Variants in MYO1G observed in about 807,000 individuals in gnomAD.
MYO1G encodes unconventional myosin-Ig.
MYO1G carries 65 observed loss-of-function variants against 115.3 expected under a neutral mutation model. The ratio of observed to expected loss-of-function variants is 0.56; its 90% CI spans 0.46 to 0.69. The LOEUF is 0.69. Ranked by LOEUF, MYO1G falls within the 30% of genes least tolerant of loss-of-function variation. The pLI, the probability that MYO1G is intolerant of heterozygous loss-of-function variation, is 0.00. For missense variants in MYO1G, 1,204 were observed against 1,393.5 expected (o/e 0.86, Z 2.16); for synonymous variants, 510 against 552.6 (o/e 0.92, Z 1.08).
rs191602626 is a variant in MYO1G at position 44,964,624 on chromosome 7, G to A, written c.2527-105C>T. On this transcript the variant is annotated intron_variant, in intron 18 of 21. Transcript: ENST00000258787. The surrounding 1 kb of genome is among the most constrained non-coding windows in gnomAD (Gnocchi z 5.1). ...AATCAGCATAGCTATCCTTCATCTC[G>A]GGAAACTGAGTCACACAGACTTGTG... is the stretch of plus-strand genomic sequence containing the variant. 8.0e-5 allele frequency: 78 copies of A among 971,980 alleles called. No individual in the cohort carries two copies. The African/African-American group carries it at 8.5e-4, about 11-fold the overall frequency. The allele number at this position is 971,980 out of a possible 1,614,324, so 60.2% of individuals were successfully genotyped here.
intron 3 of MYO1G, among the ~76,000 whole-genome samples, chr7:44,975,879 C>G (rs1250202756): frequency 1.3e-5 from 2 of 152,202 alleles, no homozygotes; most frequent in African/African-American, 4.8e-5. Flanking sequence ...TGGCTGTGCT[C>G]AGCATGGTCT....
At position 44,964,640 on chromosome 7, in the gene MYO1G, C is replaced by T. The variant is rs1583783630; in HGVS notation, c.2527-121G>A. The T allele has an allele frequency of 1.1e-6, 1 of 888,014 alleles. No homozygotes were observed. Among genetic ancestry groups the T allele is most frequent in the South Asian group, 1.5e-5 (1 of 68,850 alleles). The allele number at this position is 888,014 out of a possible 1,614,324, so 55.0% of individuals were successfully genotyped here. On this transcript the variant is annotated intron_variant, in intron 18 of 21. Coordinates refer to ENST00000258787, the MANE Select transcript of MYO1G (RefSeq NM_033054.3). This position sits in a 1 kb window ranked among gnomAD's most constrained non-coding sequence, Gnocchi z 5.1. ...CTTCATCTCGGGAAACTGAGTCACA[C>T]AGACTTGTGCGTGAGCTGAGCAGCC...
At chr7:44,975,121 G>T (rs1441604062) in intron 5 of MYO1G, 53 bp downstream of exon 5, 6 of 1,577,374 alleles carry the variant, frequency 3.8e-6, no homozygotes, top group Non-Finnish European at 5.2e-6. Context: ...CCAGCTTGCT[G>T]CCCTCCCTTT....
intron 5 of MYO1G, chr7:44,972,483 G>T (rs1051680956): frequency 4.3e-6 from 2 of 464,128 alleles, no homozygotes; most frequent in Non-Finnish European, 8.0e-6. Flanking sequence ...ACCTCATCTT[G>T]GTAGGGAGCT....
In MYO1G at chr7:44,963,124, C is replaced by T; in HGVS notation, c.2746G>A (p.Val916Met). The T allele has an allele frequency of 6.8e-7, 1 of 1,465,962 alleles. No individual in the cohort carries two copies. The highest frequency in any genetic ancestry group is 2.4e-5 in the Admixed American group (1 of 40,960). The allele number at this position is 1,465,962 out of a possible 1,614,324, so 90.8% of individuals were successfully genotyped here. A position where few individuals can be genotyped will look rare whatever the true frequency, so the allele number is the denominator to read the frequency against. Residue 916 changes from valine to methionine, a missense_variant and splice_region_variant, in exon 21 of 22, where the codon GTG becomes ATG. Physicochemically the swap from Val to Met is conservative, Grantham distance 21. Coordinates refer to ENST00000258787, the MANE Select transcript of MYO1G (RefSeq NM_033054.3). The surrounding 1 kb of genome is among the most constrained non-coding windows in gnomAD (Gnocchi z 4.1). ...RVMRAVPLEA[V>M]TGLSVTSGGD... ...CCGCTGGTCACGCTCAGCCCCGTCA[C>T]CTGAGCGGAGCGCGGGGTCAGAGTG... is the stretch of plus-strand genomic sequence containing the variant.
Position 44,966,447 on chromosome 7 carries a change from T to G in MYO1G, c.1950-167A>C. 1 of 814,000 alleles carries G rather than the reference T, an allele frequency of 1.2e-6. No individual in the cohort carries two copies. The highest frequency in any genetic ancestry group is 2.1e-6 in the Non-Finnish European group (1 of 487,074). The allele number at this position is 814,000 out of a possible 1,614,324, so 50.4% of individuals were successfully genotyped here. ...TCCCATACACATGTCCTCACATACA[T>G]GTCCTCACACAGCCCTCATACCCAT... On this transcript the variant is annotated intron_variant, in intron 15 of 21. Transcript: ENST00000258787. This position sits in a 1 kb window ranked among gnomAD's most constrained non-coding sequence, Gnocchi z 5.0.
rs1397753718 is a variant in MYO1G at position 44,962,883 on chromosome 7, G to A, written c.2913C>T (p.Thr971=). Residue 971 remains threonine (T), a synonymous_variant, in exon 22 of 22, where the codon ACC becomes ACT. Coordinates refer to ENST00000258787, the MANE Select transcript of MYO1G (RefSeq NM_033054.3). The surrounding 1 kb of genome is among the most constrained non-coding windows in gnomAD (Gnocchi z 5.3). ...LAAHCQGEGR[T]LEVRVSDCIP... ...TGCAGTCGGAGACGCGAACCTCCAGGGTGCGGCCCTCCCTGCGGCAGGAGG... is the reference window on the plus strand; with the variant it reads ...TGCAGTCGGAGACGCGAACCTCCAGAGTGCGGCCCTCCCTGCGGCAGGAGG... 2.7e-6 allele frequency: 4 copies of A among 1,487,808 alleles called. No homozygotes were observed. The highest frequency in any genetic ancestry group is 1.3e-5 in the South Asian group (1 of 75,996). The allele number at this position is 1,487,808 out of a possible 1,614,324, so 92.2% of individuals were successfully genotyped here. A position where few individuals can be genotyped will look rare whatever the true frequency, so the allele number is the denominator to read the frequency against.
chr7:44,977,032 C>A lies in MYO1G; in HGVS notation c.135G>T (p.Val45=), dbSNP rs763485088. 6.2e-7 allele frequency: 1 copy of A among 1,613,546 alleles called. No homozygotes were observed. Among genetic ancestry groups the A allele is most frequent in the Non-Finnish European group, 8.5e-7 (1 of 1,180,022 alleles). Residue 45 remains valine, a synonymous_variant, in exon 2 of 22, where the codon GTG becomes GTT. Transcript: ENST00000258787. Reference sequence around the variant, plus strand: ...CCTGGTAGGGGTTCACGGACACCAGCACCTCACCGATGTAGGTGTAGATGC... The same window carrying A: ...CCTGGTAGGGGTTCACGGACACCAGAACCTCACCGATGTAGGTGTAGATGC... The part of the protein sequence containing the change: ...KGRIYTYIGE[V]LVSVNPYQEL...
Position 44,966,486 on chromosome 7 carries a change from T to C in MYO1G, c.1949+186A>G. ...CCTCATACCCATGTTCCCACCTGTATGTCCCCACATGCATGTGCTCACACA... is the reference window on the plus strand; with the variant it reads ...CCTCATACCCATGTTCCCACCTGTACGTCCCCACATGCATGTGCTCACACA... On this transcript the variant is annotated intron_variant, in intron 15 of 21. Transcript: ENST00000258787. This position sits in a 1 kb window ranked among gnomAD's most constrained non-coding sequence, Gnocchi z 5.0. The C allele has an allele frequency of 1.2e-6, 1 of 842,052 alleles. No individual in the cohort carries two copies. Among genetic ancestry groups the C allele is most frequent in the Non-Finnish European group, 2.0e-6 (1 of 511,552 alleles). The allele number at this position is 842,052 out of a possible 1,614,324, so 52.2% of individuals were successfully genotyped here. A position where few individuals can be genotyped will look rare whatever the true frequency, so the allele number is the denominator to read the frequency against.
rs1795127907 is a variant in MYO1G at position 44,978,740 on chromosome 7, G to A, written c.95+127C>T. On this transcript the variant is annotated intron_variant, in intron 1 of 21. Coordinates refer to ENST00000258787, the MANE Select transcript of MYO1G (RefSeq NM_033054.3). ...CTCATTTCAGCCCCATCTGGTCTGG[G>A]TGGGTGTGTGCCACTGCCCCCTCCC... The A allele has an allele frequency of 7.4e-6, 6 of 812,932 alleles. 1 individual carries two copies. The South Asian group carries it at 9.5e-5, about 13-fold the overall frequency. 50.4% of individuals were successfully genotyped at this position (812,932 alleles called of 1,614,324 possible). A position where few individuals can be genotyped will look rare whatever the true frequency, so the allele number is the denominator to read the frequency against.
chr7:44,977,199 G>C, intron 1 of MYO1G, 128 bp from the exon 2 acceptor site: 1 of 823,440 alleles, frequency 1.2e-6, no homozygotes, highest in Non-Finnish European at 1.9e-6. Context: ...TGAGAGTGGA[G>C]AAGGAAGAAG....
At position 44,966,130 on chromosome 7, in the gene MYO1G, G is replaced by A. The variant is rs762716752; in HGVS notation, c.2100C>T (p.Val700=). Reference sequence around the variant, plus strand: ...GGCGGGCTCGGCTCTGCTCCAGTGTGACCAGTGTCCGGGGTGAGCGGATGA... The same window carrying A: ...GGCGGGCTCGGCTCTGCTCCAGTGTAACCAGTGTCCGGGGTGAGCGGATGA... ...KLFIRSPRTL[V]TLEQSRARLI... Residue 700 remains valine, a synonymous_variant, in exon 16 of 22, where the codon GTC becomes GTT. Transcript: ENST00000258787. This position sits in a 1 kb window ranked among gnomAD's most constrained non-coding sequence, Gnocchi z 5.0. 1.2e-6 allele frequency: 2 copies of A among 1,613,084 alleles called. No individual in the cohort carries two copies. The highest frequency in any genetic ancestry group is 2.2e-5 in the South Asian group (2 of 91,040).
chr7:44,975,741 G>A, intron 3 of MYO1G, 92 bp from the exon 4 acceptor site: 1 of 1,363,090 alleles, frequency 7.3e-7, no homozygotes, highest in East Asian at 2.5e-5. Context: ...AGAAATCACA[G>A]CATCTCAGGA....
In MYO1G at chr7:44,962,922, G is replaced by T. The variant is rs764986154; in HGVS notation, c.2901-27C>A. 41 of 1,499,486 alleles carry T rather than the reference G, an allele frequency of 2.7e-5. No individual in the cohort carries two copies. The highest frequency in any genetic ancestry group is 3.5e-5 in the Non-Finnish European group (40 of 1,126,888). The allele number at this position is 1,499,486 out of a possible 1,614,324, so 92.9% of individuals were successfully genotyped here. ...TGCGGCAGGAGGAGGGGTCAGGGCG[G>T]CCACGCGGCCGGGGCTTCGTGCCCG... On this transcript the variant is annotated intron_variant, in intron 21 of 21. Transcript: ENST00000258787. The surrounding 1 kb of genome is among the most constrained non-coding windows in gnomAD (Gnocchi z 5.3).
chr7:44,962,872 C>A lies in MYO1G; in HGVS notation c.2924G>T (p.Arg975Leu). 1 of 1,495,952 alleles carries A rather than the reference C, an allele frequency of 6.7e-7. No homozygotes were observed. Among genetic ancestry groups the A allele is most frequent in the Non-Finnish European group, 8.9e-7 (1 of 1,124,316 alleles). The allele number at this position is 1,495,952 out of a possible 1,614,324, so 92.7% of individuals were successfully genotyped here. A position where few individuals can be genotyped will look rare whatever the true frequency, so the allele number is the denominator to read the frequency against. The change falls in exon 22 of 22, where the codon CGC becomes CTC. Residue 975 changes from arginine to leucine, a missense_variant. Coordinates refer to ENST00000258787, the MANE Select transcript of MYO1G (RefSeq NM_033054.3). The surrounding 1 kb of genome is among the most constrained non-coding windows in gnomAD (Gnocchi z 5.3). ...GCTTAGTGGGATGCAGTCGGAGACG[C>A]GAACCTCCAGGGTGCGGCCCTCCCT... ...CQGEGRTLEVRVSDCIPLSHR... is the reference protein window; with the variant it reads ...CQGEGRTLEVLVSDCIPLSHR...
rs1243521261 is a variant in MYO1G, at chr7:44,962,967, C to T, written c.2900+3G>A. ...TGCCCGCTACCGCCCAGCCTGCACT[C>T]ACCCCTGGCAGTGTGCGGCCAGCAC... On this transcript the variant is annotated splice_donor_region_variant and intron_variant, in intron 21 of 21. Coordinates refer to ENST00000258787, the MANE Select transcript of MYO1G (RefSeq NM_033054.3). This position sits in a 1 kb window ranked among gnomAD's most constrained non-coding sequence, Gnocchi z 5.3. 6.5e-7 allele frequency: 1 copy of T among 1,530,362 alleles called. No individual in the cohort carries two copies. Among genetic ancestry groups the T allele is most frequent in the East Asian group, 2.5e-5 (1 of 39,580 alleles). 94.8% of individuals were successfully genotyped at this position (1,530,362 alleles called of 1,614,324 possible).
At position 44,976,933 on chromosome 7, in the gene MYO1G, G is replaced by C; in HGVS notation, c.234C>G (p.Leu78=). 1 of 1,613,612 alleles carries C rather than the reference G, an allele frequency of 6.2e-7. No individual in the cohort carries two copies. Among genetic ancestry groups the C allele is most frequent in the Non-Finnish European group, 8.5e-7 (1 of 1,180,038 alleles). Residue 78 remains leucine (L), a synonymous_variant, in exon 2 of 22, where the codon CTC becomes CTG. Transcript: ENST00000258787. ...TGTAGGCGGCGTTGGCCACAGCATA[G>C]AGATGGGGTGGCCGCTCATAGAGCT... The part of the protein sequence containing the change: ...GRELYERPPH[L]YAVANAAYKA...
Position 44,965,100 on chromosome 7 carries a change from G to T in MYO1G, c.2382-11C>A. 1 of 1,598,838 alleles carries T rather than the reference G, an allele frequency of 6.3e-7. No homozygotes were observed. Among genetic ancestry groups the T allele is most frequent in the Non-Finnish European group, 8.6e-7 (1 of 1,168,744 alleles). On this transcript the variant is annotated splice_polypyrimidine_tract_variant and intron_variant, in intron 17 of 21. Transcript: ENST00000258787. ...TGCCGGGCCCGCCACCTGGGAGAGG[G>T]CATGTAGTCAGACAGATGCTGGCCA...
intron 5 of MYO1G, 83 bp downstream of exon 5, chr7:44,975,091 T>G: frequency 7.0e-7 from 1 of 1,427,116 alleles, no homozygotes; most frequent in African/African-American, 1.4e-5. Context: ...GGGGTAGTGA[T>G]GGAAGGGTCA....
Sources: allele counts gnomAD v4.1 joint callset (sites outside exome capture counted in the v4.1 genomes callset), GRCh38; gene constraint gnomAD v4.1.1; non-coding constraint Gnocchi (gnomAD v3.1); transcripts MANE v1.5; gene names NCBI Gene and HGNC (gene_info 2026-07-23, HGNC 2026-07-21).